The following TMEM126B variants were observed in gnomAD, a reference collection of about 807,000 sequenced individuals.
TMEM126B encodes the protein transmembrane protein 126B.
Under a neutral mutation model 16.5 loss-of-function variants are expected in TMEM126B, and 19 were observed. That is an observed-to-expected ratio of 1.15 (90% confidence interval 0.80 to 1.69). TMEM126B has a LOEUF of 1.69. Ranked by LOEUF, TMEM126B falls within the 40% of genes most tolerant of loss-of-function variation. The probability of loss-of-function intolerance (pLI) is 0.00; values close to 1 mark genes in which losing one functional copy is unlikely to be tolerated. For missense variants in TMEM126B, 293 were observed against 278.7 expected, an observed-to-expected ratio of 1.05 and a Z score of -0.37; for synonymous variants, 104 against 93.2, an observed-to-expected ratio of 1.12 and a Z score of -0.67.
chr11:85,632,685 A>G (rs983673828), intron 2 of TMEM126B, among the ~76,000 whole-genome samples: 7 of 152,090 alleles, frequency 4.6e-5, no homozygotes, highest in African/African-American at 1.4e-4. Flanking sequence ...ATCCATTTAA[A>G]GTGTACAGTT....
chr11:85,636,057 T>C lies in TMEM126B; in HGVS notation c.521T>C (p.Val174Ala). The C allele has an allele frequency of 3.1e-6, 5 of 1,598,178 alleles. No individual in the cohort carries two copies. In the South Asian group the frequency reaches 3.4e-5, roughly 11 times the overall value. ...TTTTTTCTTTTTAGGTATCATACCG[T>C]TCCACTGCCACCAAAAGGAAGGGTT... is the stretch of plus-strand genomic sequence containing the variant. The part of the protein sequence containing the change: ...NGRLATKYHT[V>A]PLPPKGRVLI... The change falls in exon 5 of 5, where the codon GTT becomes GCT. Residue 174 changes from valine (V) to alanine (A), a missense_variant. Transcript: ENST00000358867.
At chr11:85,629,563 G>A (rs747553771) in intron 1 of TMEM126B, among the ~76,000 whole-genome samples, 62 of 152,160 alleles carry the variant, frequency 4.1e-4, no homozygotes, top group Non-Finnish European at 8.2e-4. Context: ...AGAGACTTTA[G>A]GGTGTAGACT....
At position 85,635,781 on chromosome 11, in the gene TMEM126B, A is replaced by G. The variant is rs2082388171; in HGVS notation, c.509+3A>G. 9.1e-6 allele frequency: 14 copies of G among 1,543,664 alleles called. No homozygotes were observed. Among genetic ancestry groups the G allele is most frequent in the African/African-American group, 1.4e-5 (1 of 70,898 alleles). On this transcript the variant is annotated splice_donor_region_variant and intron_variant, in intron 4 of 4. Transcript: ENST00000358867. ...AAAAATGGACGCCTGGCAACCAAGT[A>G]AGTTCTTCCTTTTCCTTCTTTTTTC...
intron 2 of TMEM126B, among the ~76,000 whole-genome samples, chr11:85,632,811 T>C (rs943894710): frequency 1.3e-5 from 2 of 151,834 alleles, no homozygotes; most frequent in Non-Finnish European, 2.9e-5. Context: ...TTTATTTTAT[T>C]ATTATTATAC....
chr11:85,636,023 G>A (rs997159759), intron 4 of TMEM126B, 23 bp from the exon 5 acceptor site: 2 of 1,540,742 alleles, frequency 1.3e-6, no homozygotes, highest in Non-Finnish European at 1.7e-6. Context: ...CAGGAGAGGT[G>A]ATTAACTCTT....
Position 85,636,337 on chromosome 11 carries a change from G to A in TMEM126B, c.*108G>A. The A allele has an allele frequency of 2.6e-6, 2 of 781,268 alleles. No homozygotes were observed. Among genetic ancestry groups the A allele is most frequent in the East Asian group, 3.0e-5 (1 of 33,598 alleles). 48.4% of individuals were successfully genotyped at this position (781,268 alleles called of 1,614,324 possible). A position where few individuals can be genotyped will look rare whatever the true frequency, so the allele number is the denominator to read the frequency against. ...ACTGTGAACAAATAATTTGTTCTGTGCCTTTTGCCTGGTATATAGCAAATA... is the reference window on the plus strand; with the variant it reads ...ACTGTGAACAAATAATTTGTTCTGTACCTTTTGCCTGGTATATAGCAAATA... On this transcript the variant is annotated 3_prime_UTR_variant, in exon 5 of 5. Transcript: ENST00000358867.
At chr11:85,629,377 T>A in intron 1 of TMEM126B, 1 of 609,208 alleles carries the variant, frequency 1.6e-6, no homozygotes, top group Non-Finnish European at 2.6e-6. Context: ...GCACTCTTAC[T>A]GGTATAAGCG....
intron 2 of TMEM126B, among the ~76,000 whole-genome samples, chr11:85,633,648 GA>G (rs1237184985): frequency 1.3e-5 from 2 of 152,158 alleles, no homozygotes; most frequent in African/African-American, 4.8e-5. Context: ...ATGTATCTGG[GA>G]CTAATGAAGA....
intron 3 of TMEM126B, chr11:85,634,564 A>G (rs144612686): frequency 3.6e-6 from 1 of 278,908 alleles, no homozygotes; most frequent in Non-Finnish European, 6.8e-6. Context: ...AACGCACATC[A>G]TTTCAGTATG....
At position 85,635,729 on chromosome 11, in the gene TMEM126B, TTC is replaced by T; in HGVS notation, c.462_463del (p.Phe154LeufsTer9). 3.1e-6 allele frequency: 5 copies of T among 1,609,934 alleles called. No individual in the cohort carries two copies. Among genetic ancestry groups the T allele is most frequent in the Non-Finnish European group, 4.2e-6 (5 of 1,178,962 alleles). On this transcript the variant is annotated frameshift_variant, in exon 4 of 5. Transcript: ENST00000358867. LOFTEE classifies it low-confidence loss of function (END_TRUNC). ...SSLIGIVCGV[F>X]YPSSLAFTKN... ...ACTGATTGGCATAGTTTGTGGTGTT[TTC>T]TATCCCAGTTCTTTGGCTTTTACTA... is the stretch of plus-strand genomic sequence containing the variant.
At chr11:85,633,826 T>C (rs2082349609) in intron 2 of TMEM126B, among the ~76,000 whole-genome samples, 1 of 152,240 alleles carries the variant, frequency 6.6e-6, no homozygotes, top group East Asian at 1.9e-4. Context: ...AAAAGAGCTC[T>C]ATTTTAGAAT....
chr11:85,631,163 C>A, intron 1 of TMEM126B: 2 of 1,290,326 alleles, frequency 1.5e-6, no homozygotes, highest in Admixed American at 2.3e-5. Context: ...ACACGATTTC[C>A]AAAATGAACT....
At chr11:85,632,925 T>C (rs2082330179) in intron 2 of TMEM126B, among the ~76,000 whole-genome samples, 1 of 152,150 alleles carries the variant, frequency 6.6e-6, no homozygotes, top group Non-Finnish European at 1.5e-5. Flanking sequence ...TAGCATTAGG[T>C]AGATCTCCTA....
intron 1 of TMEM126B, 78 bp from the exon 2 acceptor site, chr11:85,631,609 T>A: frequency 6.7e-7 from 1 of 1,490,278 alleles, no homozygotes; most frequent in Non-Finnish European, 9.1e-7. Flanking sequence ...TTTTCAAATC[T>A]GAATCTGTAG....
At chr11:85,630,570 C>T (rs531673390) in intron 1 of TMEM126B, among the ~76,000 whole-genome samples, 41 of 152,272 alleles carry the variant, frequency 2.7e-4, no homozygotes, top group African/African-American at 9.6e-4. Flanking sequence ...AGAGTCTTGC[C>T]CAGAGCAAAA....
rs2082355093 is a variant in TMEM126B at position 85,634,112 on chromosome 11, CA to C, written c.231del (p.Phe78LeufsTer27). On this transcript the variant is annotated frameshift_variant, in exon 3 of 5. Transcript: ENST00000358867. LOFTEE classifies it high-confidence loss of function. ...ACACAAAATATATATCAAATGGCGA[CA>C]TTTGGAACAACAGCTGGTTTCTCTG... ...EMTQNIYQMA[T>X]FGTTAGFSGI... 6.2e-7 allele frequency: 1 copy of C among 1,613,098 alleles called. No individual in the cohort carries two copies. Among genetic ancestry groups the C allele is most frequent in the Non-Finnish European group, 8.5e-7 (1 of 1,179,798 alleles).
At chr11:85,630,657 T>A (rs764729075) in intron 1 of TMEM126B, among the ~76,000 whole-genome samples, 6 of 152,188 alleles carry the variant, frequency 3.9e-5, no homozygotes, top group Non-Finnish European at 7.3e-5. Context: ...TTTTAACCTG[T>A]CTAGTTTCTG....
chr11:85,630,931 G>T (rs567596683), intron 1 of TMEM126B, among the ~76,000 whole-genome samples: 1 of 152,302 alleles, frequency 6.6e-6, no homozygotes, highest in African/African-American at 2.4e-5. Context: ...GGGTGTGGTG[G>T]CAGGTATGGG....
At chr11:85,633,167 G>A (rs1004857854) in intron 2 of TMEM126B, among the ~76,000 whole-genome samples, 10 of 152,182 alleles carry the variant, frequency 6.6e-5, no homozygotes, top group African/African-American at 2.4e-4. Flanking sequence ...ATTCCATGGT[G>A]TATATGTGCC....
Sources: gnomAD v4.1 joint callset for allele counts (sites outside exome capture counted in the v4.1 genomes callset) on GRCh38, gnomAD v4.1.1 for gene constraint, MANE v1.5 for transcripts, NCBI Gene and HGNC (gene_info 2026-07-23, HGNC 2026-07-21) for gene names.